TANC2: variants seen among roughly 807,000 people sequenced by gnomAD.
TANC2 encodes the protein tetratricopeptide repeat, ankyrin repeat and coiled-coil containing 2.
TANC2 carries 26 observed loss-of-function variants against 210.5 expected under a neutral mutation model. The ratio of observed to expected loss-of-function variants is 0.12; its 90% CI spans 0.09 to 0.17. The LOEUF (loss-of-function observed/expected upper bound fraction) is 0.17, where lower values mean the gene tolerates loss of function less well. Among genes scored for constraint, TANC2 ranks in the 10% least tolerant of loss-of-function variants. TANC2 has a pLI of 1.00. For synonymous variants in TANC2, 931 were observed against 967.1 expected (o/e 0.96, Z 0.69); for missense variants, 2,129 against 2,608.9 (o/e 0.82, Z 4.01).
intron 14 of TANC2, among the ~76,000 whole-genome samples, chr17:63,362,299 A>G (rs1398056831): frequency 1.3e-5 from 2 of 152,148 alleles, no homozygotes; most frequent in African/African-American, 4.8e-5. Context: ...GAGGACATGC[A>G]TGCTAATTGG....
At chr17:63,272,788 A>T (rs1450437474) in intron 9 of TANC2, among the ~76,000 whole-genome samples, 7 of 152,172 alleles carry the variant, frequency 4.6e-5, no homozygotes, top group Non-Finnish European at 8.8e-5. Context: ...TAGTATACCC[A>T]GTAGATAACT....
chr17:63,155,880 G>A (rs1464512088), intron 5 of TANC2, among the ~76,000 whole-genome samples: 3 of 152,004 alleles, frequency 2.0e-5, no homozygotes, highest in Non-Finnish European at 2.9e-5. Flanking sequence ...ACATTCTATA[G>A]CATAAGCACA....
intron 11 of TANC2, among the ~76,000 whole-genome samples, chr17:63,321,015 A>G (rs2045476554): frequency 6.6e-6 from 1 of 152,114 alleles, no homozygotes; most frequent in South Asian, 2.1e-4. Context: ...CCTGACCAAC[A>G]TGGCAAAGCC....
intron 1 of TANC2, among the ~76,000 whole-genome samples, chr17:63,001,322 A>T (rs546562212): frequency 6.6e-6 from 1 of 152,168 alleles, no homozygotes; most frequent in Admixed American, 6.5e-5. Context: ...GGTAGTCCTC[A>T]TTGTTCTGGT....
At chr17:63,222,734 C>T (rs1054345703) in intron 7 of TANC2, among the ~76,000 whole-genome samples, 2 of 151,926 alleles carry the variant, frequency 1.3e-5, no homozygotes, top group Admixed American at 6.6e-5. Flanking sequence ...CACACACACA[C>T]ACACACACAC....
At chr17:63,329,989 A>G (rs1487380972) in intron 11 of TANC2, among the ~76,000 whole-genome samples, 1 of 152,256 alleles carries the variant, frequency 6.6e-6, no homozygotes, top group African/African-American at 2.4e-5. Context: ...AGTTTTGAGT[A>G]TAAGGGAAAA....
chr17:63,273,590 A>G (rs1175395240), intron 9 of TANC2, among the ~76,000 whole-genome samples: 2 of 152,198 alleles, frequency 1.3e-5, no homozygotes, highest in African/African-American at 4.8e-5. Context: ...CCAAGAACAT[A>G]TCTCAAGAAT....
In TANC2 at chr17:63,329,071, G is replaced by A. The variant is rs531004289; in HGVS notation, c.1575+9981G>A. ...TTCTTGGAGCATACTGAATGCAGAG[G>A]CAGATTTGGGAGTCTATTGCAAAAA... On this transcript the variant is annotated intron_variant, in intron 11 of 27. Transcript: ENST00000689528. Among the ~76,000 whole-genome samples the A allele has an allele frequency of 1.9e-4, 29 of 152,252 alleles. No homozygotes were observed. The East Asian group carries it at 2.1e-3, about 11-fold the overall frequency.
chr17:63,099,133 A>G, intron 3 of TANC2, 42 bp from the exon 4 acceptor site: 3 of 1,579,710 alleles, frequency 1.9e-6, no homozygotes, highest in Non-Finnish European at 2.6e-6. Context: ...GGAAGGCAGG[A>G]TCTTTTCTCA....
At chr17:63,422,158 C>G in exon 28 of TANC2, 1 of 577,272 alleles carries the variant, frequency 1.7e-6, no homozygotes, top group African/African-American at 1.9e-5. Flanking sequence ...TTTCTCTTGT[C>G]TGTGCCCAGC....
chr17:63,420,158 G>C lies in TANC2; in HGVS notation c.4428G>C (p.Pro1476=). The stretch of plus-strand genomic sequence containing the variant: ...CACCGCAGCCTCAGCAGCAGTTGCC[G>C]GAAGAAGCAGAACCTGAGCCACAGC... Residue 1476 remains proline (P), a synonymous_variant, in exon 28 of 28, where the codon CCG becomes CCC. Coordinates refer to ENST00000689528, the Ensembl canonical transcript of TANC2. This position sits in a 1 kb window ranked among gnomAD's most constrained non-coding sequence, Gnocchi z 4.2. 6.4e-7 allele frequency: 1 copy of C among 1,563,448 alleles called. No homozygotes were observed. Among genetic ancestry groups the C allele is most frequent in the Non-Finnish European group, 8.7e-7 (1 of 1,153,420 alleles).
At chr17:63,066,122 C>T (rs976052802) in intron 2 of TANC2, among the ~76,000 whole-genome samples, 1 of 152,134 alleles carries the variant, frequency 6.6e-6, no homozygotes, top group Non-Finnish European at 1.5e-5. Flanking sequence ...CCTGGGTCAG[C>T]TGGAGCCTTG....
intron 2 of TANC2, among the ~76,000 whole-genome samples, chr17:63,066,136 C>T (rs2036187450): frequency 1.3e-5 from 2 of 152,124 alleles, no homozygotes; most frequent in African/African-American, 4.8e-5. Flanking sequence ...AGCCTTGGCC[C>T]TCAGGGTCAG....
intron 5 of TANC2, among the ~76,000 whole-genome samples, chr17:63,174,030 C>T (rs750718188): frequency 3.9e-5 from 6 of 152,208 alleles, no homozygotes; most frequent in Non-Finnish European, 7.3e-5. Context: ...TCCCCTACAG[C>T]CACTTGTGCC....
chr17:63,063,794 T>TA (rs2036096390), intron 2 of TANC2, among the ~76,000 whole-genome samples: 1 of 152,088 alleles, frequency 6.6e-6, no homozygotes, highest in South Asian at 2.1e-4. Context: ...GTTCTGATGA[T>TA]ACTTACGTTG....
At chr17:63,384,277 G>C (rs1301004970) in intron 15 of TANC2, among the ~76,000 whole-genome samples, 1 of 151,968 alleles carries the variant, frequency 6.6e-6, no homozygotes, top group African/African-American at 2.4e-5. Flanking sequence ...TCACCATGTT[G>C]CCCAGGCTGG....
At chr17:63,174,402 T>C (rs2040507108) in intron 5 of TANC2, among the ~76,000 whole-genome samples, 1 of 152,216 alleles carries the variant, frequency 6.6e-6, no homozygotes, top group Non-Finnish European at 1.5e-5. Context: ...TTCAAAGTGT[T>C]GCCCCCCCAA....
chr17:63,342,685 A>G (rs555716030), intron 12 of TANC2, among the ~76,000 whole-genome samples: 1 of 152,272 alleles, frequency 6.6e-6, no homozygotes, highest in African/African-American at 2.4e-5. Context: ...CTGAGGCAGG[A>G]GAATGGCGTG....
At chr17:63,137,909 A>G (rs574314139) in intron 4 of TANC2, among the ~76,000 whole-genome samples, 1 of 152,208 alleles carries the variant, frequency 6.6e-6, no homozygotes, top group Non-Finnish European at 1.5e-5. Flanking sequence ...TCTCATTTTT[A>G]TGAGTGTCCA....
Sources: allele counts gnomAD v4.1 joint callset (sites outside exome capture counted in the v4.1 genomes callset), GRCh38; gene constraint gnomAD v4.1.1; non-coding constraint Gnocchi (gnomAD v3.1); transcripts MANE v1.5; gene names NCBI Gene and HGNC (gene_info 2026-07-23, HGNC 2026-07-21).